CNOT6L: variants seen among roughly 807,000 people sequenced by gnomAD.
The protein encoded by CNOT6L is CCR4-NOT transcription complex subunit 6-like.
Under a neutral mutation model 64.0 loss-of-function variants are expected in CNOT6L, and 7 were observed. That is an observed-to-expected ratio of 0.11 (90% CI 0.06 to 0.21). The LOEUF (loss-of-function observed/expected upper bound fraction) is 0.21, where lower values mean the gene tolerates loss of function less well. Ranked by LOEUF, CNOT6L falls within the 10% of genes least tolerant of loss-of-function variation. The pLI is 1.00. For missense variants in CNOT6L, 245 were observed against 669.0 expected, an observed-to-expected ratio of 0.37 and a Z score of 6.99; for synonymous variants, 193 against 243.4, an observed-to-expected ratio of 0.79 and a Z score of 1.93.
intron 1 of CNOT6L, among the ~76,000 whole-genome samples, chr4:77,791,207 T>G (rs1730109057): frequency 6.6e-6 from 1 of 152,100 alleles, no homozygotes; most frequent in African/African-American, 2.4e-5. Context: ...ACCCGGGAAG[T>G]GGGAGCTGCA....
chr4:77,804,443 A>AG (rs1553898797), intron 1 of CNOT6L, among the ~76,000 whole-genome samples: 6 of 151,866 alleles, frequency 4.0e-5, no homozygotes, highest in Admixed American at 6.6e-5. Context: ...AAAAAAAAAA[A>AG]GGAATGAAAT....
At chr4:77,797,797 G>A (rs984710475) in intron 1 of CNOT6L, among the ~76,000 whole-genome samples, 1 of 152,112 alleles carries the variant, frequency 6.6e-6, no homozygotes, top group Non-Finnish European at 1.5e-5. Context: ...TCCACTGAGG[G>A]TCTTGGAATA....
At chr4:77,777,660 C>A (rs190640060) in intron 1 of CNOT6L, among the ~76,000 whole-genome samples, 11 of 152,278 alleles carry the variant, frequency 7.2e-5, no homozygotes, top group Non-Finnish European at 1.3e-4. Flanking sequence ...ATATTGGGTT[C>A]TTTGCTCATA....
chr4:77,779,067 A>C (rs1468610800), intron 1 of CNOT6L, among the ~76,000 whole-genome samples: 4 of 105,130 alleles, frequency 3.8e-5, no homozygotes, highest in Non-Finnish European at 8.5e-5. Flanking sequence ...AAAAAACAAA[A>C]AAAAAACACA....
At chr4:77,748,716 T>G (rs1248244607) in intron 5 of CNOT6L, among the ~76,000 whole-genome samples, 1 of 152,186 alleles carries the variant, frequency 6.6e-6, no homozygotes, top group Non-Finnish European at 1.5e-5. Flanking sequence ...CTTAGCCTTG[T>G]GGGAAATCAA....
At chr4:77,795,925 A>G (rs908220480) in intron 1 of CNOT6L, among the ~76,000 whole-genome samples, 1 of 152,218 alleles carries the variant, frequency 6.6e-6, no homozygotes, top group Non-Finnish European at 1.5e-5. Flanking sequence ...CAAATTTAAC[A>G]CAATCCCAGT....
At chr4:77,817,296 AC>A (rs1733688849) in intron 1 of CNOT6L, among the ~76,000 whole-genome samples, 1 of 152,178 alleles carries the variant, frequency 6.6e-6, no homozygotes, top group South Asian at 2.1e-4. Flanking sequence ...TTAGAAAAAA[AC>A]TTCTTATATA....
rs74361342 is a variant in CNOT6L at position 77,731,066 on chromosome 4, C to T, written c.1024+321G>A. 1.3e-3 allele frequency among the ~76,000 whole-genome samples: 204 copies of T among 152,118 alleles called. 1 individual carries two copies. The highest frequency in any genetic ancestry group is 4.9e-3 in the African/African-American group (202 of 41,506). ...CTAAAAATATAATTCAAAAAGAGGGCCAAGTCATCATAATTTCTAAATTCA... is the reference window on the plus strand; with the variant it reads ...CTAAAAATATAATTCAAAAAGAGGGTCAAGTCATCATAATTTCTAAATTCA... On this transcript the variant is annotated intron_variant, in intron 9 of 11. Transcript: ENST00000504123.
intron 1 of CNOT6L, among the ~76,000 whole-genome samples, chr4:77,794,898 T>C (rs1330783428): frequency 1.3e-5 from 2 of 151,834 alleles, no homozygotes; most frequent in African/African-American, 4.8e-5. Flanking sequence ...ACAAAAAATC[T>C]AACAGAATTA....
At chr4:77,789,721 T>C (rs1298001696) in intron 1 of CNOT6L, among the ~76,000 whole-genome samples, 1 of 150,712 alleles carries the variant, frequency 6.6e-6, no homozygotes, top group African/African-American at 2.4e-5. Flanking sequence ...GAGGCAGAGG[T>C]GGGCAGATGG....
chr4:77,803,706 C>T (rs535760271), intron 1 of CNOT6L, among the ~76,000 whole-genome samples: 1 of 152,246 alleles, frequency 6.6e-6, no homozygotes, highest in South Asian at 2.1e-4. Flanking sequence ...CAGTTCAAGA[C>T]CAGCCTGACC....
chr4:77,775,388 T>C (rs1490216714), intron 2 of CNOT6L, among the ~76,000 whole-genome samples: 1 of 152,178 alleles, frequency 6.6e-6, no homozygotes, highest in Non-Finnish European at 1.5e-5. Flanking sequence ...TACCAATTCA[T>C]AAAAGAAAAA....
At chr4:77,804,570 G>A (rs891174671) in intron 1 of CNOT6L, among the ~76,000 whole-genome samples, 3 of 151,870 alleles carry the variant, frequency 2.0e-5, no homozygotes, top group Non-Finnish European at 4.4e-5. Flanking sequence ...CAAATCCATA[G>A]AGACAGAAAG....
intron 1 of CNOT6L, among the ~76,000 whole-genome samples, chr4:77,797,102 C>CAAAA (rs386400560): frequency 0.47 from 25,008 of 52,918 alleles, 8,865 homozygotes; most frequent in Admixed American, 0.5. Flanking sequence ...GACCTTGTCT[C>CAAAA]AAAAAAAAAA....
chr4:77,787,247 C>G (rs1011401026), intron 1 of CNOT6L, among the ~76,000 whole-genome samples: 3 of 117,984 alleles, frequency 2.5e-5, no homozygotes, highest in African/African-American at 9.4e-5. Context: ...GCCTGGGCAA[C>G]AAAGTGAGAC....
Position 77,776,408 on chromosome 4 carries a change from AAG to A in CNOT6L, c.6-18_6-17del, listed in dbSNP as rs1553893791. 6.5e-7 allele frequency: 1 copy of A among 1,542,264 alleles called. No individual in the cohort carries two copies. The highest frequency in any genetic ancestry group is 8.8e-7 in the Non-Finnish European group (1 of 1,138,266). ...CCCTATTAGTCTGTTTAAAAAAAAA[AAG>A]GAGGAGATCAATAATTATTATAGTC... On this transcript the variant is annotated splice_polypyrimidine_tract_variant and intron_variant, in intron 1 of 11. Transcript: ENST00000504123.
At chr4:77,736,426 A>C (rs1722952198) in intron 8 of CNOT6L, among the ~76,000 whole-genome samples, 1 of 152,208 alleles carries the variant, frequency 6.6e-6, no homozygotes, top group South Asian at 2.1e-4. Context: ...AACTGTAATA[A>C]ATTTACAATA....
At chr4:77,819,371 A>T, upstream of CNOT6L, 3 of 1,607,292 alleles carry the variant, frequency 1.9e-6, no homozygotes, top group East Asian at 2.2e-5. Flanking sequence ...ACACACACAC[A>T]AACACGCGCG....
At chr4:77,740,023 G>A (rs1169718602) in intron 8 of CNOT6L, among the ~76,000 whole-genome samples, 2 of 57,834 alleles carry the variant, frequency 3.5e-5, no homozygotes, top group Non-Finnish European at 1.0e-4. Context: ...AAGTTTACTG[G>A]TGCATTTTTT....
Sources: gnomAD v4.1 joint callset for allele counts (sites outside exome capture counted in the v4.1 genomes callset) on GRCh38, gnomAD v4.1.1 for gene constraint, MANE v1.5 for transcripts, NCBI Gene and HGNC (gene_info 2026-07-23, HGNC 2026-07-21) for gene names.